C8orf34: variants seen among roughly 807,000 people sequenced by gnomAD.
The protein encoded by C8orf34 is uncharacterized protein C8orf34.
C8orf34 carries 65 observed loss-of-function variants against 68.3 expected under a neutral mutation model. The observed-to-expected ratio is 0.95, with a 90% confidence interval of 0.78 to 1.17. The LOEUF (loss-of-function observed/expected upper bound fraction) is 1.17. Ranked by LOEUF, C8orf34 falls within the 50% of genes most tolerant of loss-of-function variation. The probability of loss-of-function intolerance (pLI) is 0.00; values close to 1 mark genes in which losing one functional copy is unlikely to be tolerated. For synonymous variants in C8orf34, 244 were observed against 241.2 expected (o/e 1.01, Z -0.11); for missense variants, 664 against 655.4 (o/e 1.01, Z -0.14).
At chr8:68,650,972 G>C (rs1212005902) in intron 8 of C8orf34, among the ~76,000 whole-genome samples, 1 of 152,182 alleles carries the variant, frequency 6.6e-6, no homozygotes, top group Non-Finnish European at 1.5e-5. Context: ...TATGTTTGCA[G>C]CTCAATTTTA....
chr8:68,664,148 T>C (rs1312508591), intron 8 of C8orf34, among the ~76,000 whole-genome samples: 1 of 152,170 alleles, frequency 6.6e-6, no homozygotes, highest in Non-Finnish European at 1.5e-5. Flanking sequence ...AACTTCCTTT[T>C]CCTTGGTCAG....
intron 7 of C8orf34, chr8:68,535,357 G>A (rs928604830): frequency 2.0e-6 from 2 of 983,920 alleles, no homozygotes; most frequent in East Asian, 1.1e-4. Context: ...ACTTGTCTTT[G>A]TTATCTATAC....
chr8:68,635,744 A>G (rs1012699647), intron 7 of C8orf34, among the ~76,000 whole-genome samples: 3 of 152,216 alleles, frequency 2.0e-5, no homozygotes, highest in Admixed American at 6.5e-5. Flanking sequence ...ACTGTACAGT[A>G]TGCCTTTGAG....
At chr8:68,529,902 G>GT (rs1190345197) in intron 6 of C8orf34, among the ~76,000 whole-genome samples, 18 of 151,640 alleles carry the variant, frequency 1.2e-4, no homozygotes, top group Non-Finnish European at 2.1e-4. Flanking sequence ...ATATATTTAG[G>GT]TACATAGTAA....
At chr8:68,463,261 T>C (rs1280219540) in intron 3 of C8orf34, among the ~76,000 whole-genome samples, 1 of 152,142 alleles carries the variant, frequency 6.6e-6, no homozygotes, top group Non-Finnish European at 1.5e-5. Flanking sequence ...AATCTCTGAA[T>C]AGACCAATAA....
chr8:68,523,810 A>G (rs991740106), intron 6 of C8orf34, among the ~76,000 whole-genome samples: 1 of 152,182 alleles, frequency 6.6e-6, no homozygotes, highest in Admixed American at 6.5e-5. Flanking sequence ...CTATAGTATT[A>G]GCTTTTACCC....
Position 68,468,783 on chromosome 8 carries a change from C to T in C8orf34, c.699C>T (p.Ser233=). 1.2e-6 allele frequency: 2 copies of T among 1,611,964 alleles called. No individual in the cohort carries two copies. Among genetic ancestry groups the T allele is most frequent in the Non-Finnish European group, 1.7e-6 (2 of 1,178,906 alleles). The change falls in exon 4 of 14, where the codon AGC becomes AGT. Residue 233 remains serine (S), a synonymous_variant. Transcript: ENST00000518698. ...FDELNHILQE[S]KKLGKALENL... The stretch of plus-strand genomic sequence containing the variant: ...AATTGAATCACATCCTTCAGGAGAG[C>T]AAGAAGCTGGGGAAAGCCCTTGAGA...
chr8:68,340,277 A>C (rs1457316743), intron 1 of C8orf34, among the ~76,000 whole-genome samples: 2 of 152,136 alleles, frequency 1.3e-5, no homozygotes, highest in Non-Finnish European at 2.9e-5. Context: ...ATTTGCATAC[A>C]TACATATAAT....
At chr8:68,610,854 A>T (rs1488410316) in intron 7 of C8orf34, among the ~76,000 whole-genome samples, 1 of 124,372 alleles carries the variant, frequency 8.0e-6, no homozygotes, top group Admixed American at 7.7e-5. Context: ...GTTACAGTGA[A>T]TCTTTGGTTT....
At chr8:68,382,305 TAC>T (rs1265820349) in intron 1 of C8orf34, among the ~76,000 whole-genome samples, 1 of 152,142 alleles carries the variant, frequency 6.6e-6, no homozygotes, top group Non-Finnish European at 1.5e-5. Context: ...GAGAGATTTT[TAC>T]AGTTTACAAT....
In C8orf34 at chr8:68,594,061, CT is replaced by C. The variant is rs575912505; in HGVS notation, c.1106-46309del. Among the ~76,000 whole-genome samples, 166 of 151,900 alleles carry C rather than the reference CT, an allele frequency of 1.1e-3. 1 individual carries two copies. Among genetic ancestry groups the C allele is most frequent in the African/African-American group, 3.5e-3 (147 of 41,468 alleles). The stretch of plus-strand genomic sequence containing the variant: ...TTTTAAAAATAATTTTTTAGTTATA[CT>C]TTTTTGGGGGCCATAGAGTATTCAT... On this transcript the variant is annotated intron_variant, in intron 7 of 13. Transcript: ENST00000518698.
At chr8:68,520,095 T>C (rs1196687012) in intron 5 of C8orf34, among the ~76,000 whole-genome samples, 1 of 152,156 alleles carries the variant, frequency 6.6e-6, no homozygotes, top group Non-Finnish European at 1.5e-5. Flanking sequence ...CTGAAATCCA[T>C]TGTAGTGCTT....
chr8:68,571,010 T>C (rs1379472894), intron 7 of C8orf34, among the ~76,000 whole-genome samples: 1 of 152,192 alleles, frequency 6.6e-6, no homozygotes. Context: ...TCTCTTATCA[T>C]GAAGCTGATG....
At chr8:68,400,916 T>C (rs2591011) in intron 1 of C8orf34, among the ~76,000 whole-genome samples, 82,099 of 151,942 alleles carry the variant, frequency 0.54, 22,670 homozygotes, top group Non-Finnish European at 0.62. Context: ...AAAATGAAAA[T>C]GATGTTGGTG....
At chr8:68,483,966 C>T (rs1428393081) in intron 4 of C8orf34, among the ~76,000 whole-genome samples, 1 of 152,170 alleles carries the variant, frequency 6.6e-6, no homozygotes, top group Non-Finnish European at 1.5e-5. Context: ...TGTATTAGGC[C>T]ATTCTTGCAT....
At chr8:68,462,913 CTA>C (rs1245047556) in intron 3 of C8orf34, among the ~76,000 whole-genome samples, 14 of 152,156 alleles carry the variant, frequency 9.2e-5, no homozygotes, top group Non-Finnish European at 1.5e-4. Flanking sequence ...CATTCAAAAG[CTA>C]ACAGAAGACA....
At chr8:68,467,954 G>T (rs768646882) in intron 3 of C8orf34, among the ~76,000 whole-genome samples, 1 of 151,754 alleles carries the variant, frequency 6.6e-6, no homozygotes, top group South Asian at 2.1e-4. Flanking sequence ...ACCTGTGCCC[G>T]ACATTTAATG....
intron 10 of C8orf34, among the ~76,000 whole-genome samples, chr8:68,768,306 C>T (rs988877310): frequency 6.6e-6 from 1 of 152,072 alleles, no homozygotes; most frequent in Non-Finnish European, 1.5e-5. Flanking sequence ...TGGAATCAGC[C>T]GTGTTTTGAA....
rs184075761 is a variant in C8orf34, at chr8:68,667,077, C to T, written c.1241+26566C>T. On this transcript the variant is annotated intron_variant, in intron 8 of 13. Transcript: ENST00000518698. The stretch of plus-strand genomic sequence containing the variant: ...ATAGTTATTACAAAATATGAAAAAC[C>T]TTCTACAGCCAAAATTTGATTAATT... Among the ~76,000 whole-genome samples the T allele has an allele frequency of 2.6e-3, 389 of 152,138 alleles. 4 individuals carry two copies. The highest frequency in any genetic ancestry group is 8.6e-3 in the African/African-American group (359 of 41,516).
Sources: gnomAD v4.1 joint callset for allele counts (sites outside exome capture counted in the v4.1 genomes callset) on GRCh38, gnomAD v4.1.1 for gene constraint, MANE v1.5 for transcripts, NCBI Gene and HGNC (gene_info 2026-07-23, HGNC 2026-07-21) for gene names.